Variants in PRKCZ observed in about 807,000 individuals in gnomAD.
The protein encoded by PRKCZ is protein kinase C zeta.
PRKCZ carries 33 observed loss-of-function variants against 79.5 expected under a neutral mutation model. The ratio of observed to expected loss-of-function variants is 0.41; its 90% CI spans 0.31 to 0.55. PRKCZ has a LOEUF of 0.55. PRKCZ is among the 20% of genes least tolerant of loss of function. The pLI is 0.19. For missense variants in PRKCZ, 578 were observed against 813.5 expected (o/e 0.71, Z 3.52); for synonymous variants, 342 against 320.9 (o/e 1.07, Z -0.70).
In PRKCZ at chr1:2,174,093, G is replaced by T; in HGVS notation, c.1405+77G>T. 2 of 1,477,164 alleles carry T rather than the reference G, an allele frequency of 1.4e-6. No individual in the cohort carries two copies. The highest frequency in any genetic ancestry group is 2.9e-5 in the African/African-American group (2 of 70,048). The allele number at this position is 1,477,164 out of a possible 1,614,324, so 91.5% of individuals were successfully genotyped here. A position where few individuals can be genotyped will look rare whatever the true frequency, so the allele number is the denominator to read the frequency against. On this transcript the variant is annotated intron_variant, in intron 14 of 17. Transcript: ENST00000378567. This position sits in a 1 kb window ranked among gnomAD's most constrained non-coding sequence, Gnocchi z 6.2. ...TCCTTTTCAAAGGTGCAGGTGGAGGGGTCCCGCGGGTGCCTGGAGCGGCAG... is the reference window on the plus strand; with the variant it reads ...TCCTTTTCAAAGGTGCAGGTGGAGGTGTCCCGCGGGTGCCTGGAGCGGCAG...
At position 2,156,080 on chromosome 1, in the gene PRKCZ, A is replaced by G; in HGVS notation, c.962A>G (p.Gln321Arg). 6.2e-7 allele frequency: 1 copy of G among 1,612,632 alleles called. No individual in the cohort carries two copies. The highest frequency in any genetic ancestry group is 1.1e-5 in the South Asian group (1 of 91,042). Residue 321 changes from glutamine (Q) to arginine (R), a missense_variant, in exon 10 of 18, where the codon CAG (glutamine) becomes CGG (arginine). Around this residue, in one of 4 missense-constraint regions of PRKCZ, gnomAD observed 243 missense variants for 467.0 expected, o/e 0.52. Transcript: ENST00000378567. Reference protein sequence around the residue: ...PFLVGLHSCFQTTSRLFLVIE... With the variant: ...PFLVGLHSCFRTTSRLFLVIE... Reference sequence around the variant, plus strand: ...CTGGTCGGATTACACTCCTGCTTCCAGACGACAAGTCGGTAAGAAAAAGAA... The same window carrying G: ...CTGGTCGGATTACACTCCTGCTTCCGGACGACAAGTCGGTAAGAAAAAGAA...
chr1:2,176,874 C>T (rs1454251818), intron 16 of PRKCZ, among the ~76,000 whole-genome samples: 1 of 152,246 alleles, frequency 6.6e-6, no homozygotes, highest in Non-Finnish European at 1.5e-5. Flanking sequence ...CTTCCAGAGC[C>T]CAGCTGGGCT....
chr1:2,093,454 G>T (rs1470296859), intron 4 of PRKCZ, among the ~76,000 whole-genome samples: 1 of 152,148 alleles, frequency 6.6e-6, no homozygotes, highest in Non-Finnish European at 1.5e-5. Context: ...CTGTGACTTG[G>T]CTCTGGCCTG....
chr1:2,089,153 G>A (rs902283368), intron 4 of PRKCZ, among the ~76,000 whole-genome samples: 12 of 152,152 alleles, frequency 7.9e-5, no homozygotes, highest in Admixed American at 5.2e-4. Flanking sequence ...TTCCTTAGCC[G>A]GGGTCAGCTC....
At chr1:2,183,028 G>C (rs1686928521) in intron 16 of PRKCZ, among the ~76,000 whole-genome samples, 1 of 152,108 alleles carries the variant, frequency 6.6e-6, no homozygotes, top group South Asian at 2.1e-4. Flanking sequence ...CAGTTCGGGA[G>C]CAGCCTGGTC....
In PRKCZ at chr1:2,094,572, C is replaced by T. The variant is rs1402534979; in HGVS notation, c.334+34981C>T. Among the ~76,000 whole-genome samples the T allele has an allele frequency of 1.8e-5, 2 of 108,846 alleles. No homozygotes were observed. Among genetic ancestry groups the T allele is most frequent in the Non-Finnish European group, 3.5e-5 (2 of 57,326 alleles). 71.4% of individuals were successfully genotyped at this position (108,846 alleles called of 152,430 possible). On this transcript the variant is annotated intron_variant, in intron 4 of 17. Coordinates refer to ENST00000378567, the MANE Select transcript of PRKCZ (RefSeq NM_002744.6). This position sits in a 1 kb window ranked among gnomAD's most constrained non-coding sequence, Gnocchi z 7.3. ...TGTGCCCGGCTCGATGAACCTTGGG[C>T]GCTGCCCGTTCTGAGGCGCCCGCTG...
chr1:2,146,166 C>G lies in PRKCZ; in HGVS notation c.634+58C>G, dbSNP rs900101965. 2.4e-4 allele frequency: 367 copies of G among 1,505,756 alleles called. 4 individuals are homozygous for G. Among genetic ancestry groups the G allele is most frequent in the South Asian group, 1.7e-3 (149 of 88,746 alleles). The allele number at this position is 1,505,756 out of a possible 1,614,324, so 93.3% of individuals were successfully genotyped here. A position where few individuals can be genotyped will look rare whatever the true frequency, so the allele number is the denominator to read the frequency against. On this transcript the variant is annotated intron_variant, in intron 7 of 17. Transcript: ENST00000378567. ...CTGGGCATCACCTCACCCTGCTCACCTCTGCCTTCTAGCCACGAGTCCTTT... is the reference window on the plus strand; with the variant it reads ...CTGGGCATCACCTCACCCTGCTCACGTCTGCCTTCTAGCCACGAGTCCTTT...
chr1:2,057,531 A>C (rs760838092), intron 3 of PRKCZ, among the ~76,000 whole-genome samples: 6 of 152,172 alleles, frequency 3.9e-5, no homozygotes, highest in Non-Finnish European at 5.9e-5. Flanking sequence ...CCTGGTTACA[A>C]CACTTAATTT....
intron 4 of PRKCZ, among the ~76,000 whole-genome samples, chr1:2,091,304 TGG>T (rs1028027719): frequency 1.3e-5 from 2 of 152,234 alleles, no homozygotes; most frequent in Non-Finnish European, 2.9e-5. Flanking sequence ...CCCAAAGTGC[TGG>T]GATTATAGAA....
chr1:2,164,556 A>G (rs1416533165), intron 10 of PRKCZ, among the ~76,000 whole-genome samples: 1 of 152,168 alleles, frequency 6.6e-6, no homozygotes, highest in East Asian at 1.9e-4. Context: ...GGAAACTGTC[A>G]GGGCGACAGC....
chr1:2,069,682 C>G (rs576488283), intron 4 of PRKCZ, among the ~76,000 whole-genome samples: 4 of 152,106 alleles, frequency 2.6e-5, no homozygotes, highest in African/African-American at 9.7e-5. Flanking sequence ...TGGCAGTAAG[C>G]GAGGGACCTC....
At position 2,070,075 on chromosome 1, in the gene PRKCZ, C is replaced by A. The variant is rs28635483; in HGVS notation, c.334+10484C>A. Among the ~76,000 whole-genome samples, 354 of 152,312 alleles carry A rather than the reference C, an allele frequency of 2.3e-3. 2 individuals carry two copies. The highest frequency in any genetic ancestry group is 7.2e-3 in the African/African-American group (299 of 41,570). On this transcript the variant is annotated intron_variant, in intron 4 of 17. Coordinates refer to ENST00000378567, the MANE Select transcript of PRKCZ (RefSeq NM_002744.6). ...GTCCTTAGAGTCCATGGAGGAAATACAAAGTCCGCTGGGCTGGGCAGCCGC... is the reference window on the plus strand; with the variant it reads ...GTCCTTAGAGTCCATGGAGGAAATAAAAAGTCCGCTGGGCTGGGCAGCCGC...
intron 5 of PRKCZ, among the ~76,000 whole-genome samples, chr1:2,140,807 A>G (rs1677161515): frequency 6.6e-6 from 1 of 152,062 alleles, no homozygotes; most frequent in South Asian, 2.1e-4. Context: ...TGTCTCTACT[A>G]AAAATAAAAA....
rs190650534 is a variant in PRKCZ, at chr1:2,105,622, A to G, written c.335-29640A>G. Among the ~76,000 whole-genome samples, 69 of 151,808 alleles carry G rather than the reference A, an allele frequency of 4.5e-4. 1 individual carries two copies. The highest frequency in any genetic ancestry group is 1.4e-3 in the East Asian group (7 of 5,154). On this transcript the variant is annotated intron_variant, in intron 4 of 17. Coordinates refer to ENST00000378567, the MANE Select transcript of PRKCZ (RefSeq NM_002744.6). Reference sequence around the variant, plus strand: ...ACCATGTTGGCCAGGCCGGTCTCAAACTCCTGACCTCAAGTGGTCCACCCA... The same window carrying G: ...ACCATGTTGGCCAGGCCGGTCTCAAGCTCCTGACCTCAAGTGGTCCACCCA...
At position 2,173,347 on chromosome 1, in the gene PRKCZ, C is replaced by T. The variant is rs948098594; in HGVS notation, c.1286-550C>T. The stretch of plus-strand genomic sequence containing the variant: ...GGGATGGGGATTCCGTGTGGGACAG[C>T]GGCAGCGTCTCACCTCAGCAGGGAC... On this transcript the variant is annotated intron_variant, in intron 13 of 17. Coordinates refer to ENST00000378567, the MANE Select transcript of PRKCZ (RefSeq NM_002744.6). This position sits in a 1 kb window ranked among gnomAD's most constrained non-coding sequence, Gnocchi z 5.7. Among the ~76,000 whole-genome samples, 2 of 152,114 alleles carry T rather than the reference C, an allele frequency of 1.3e-5. No individual in the cohort carries two copies. The highest frequency in any genetic ancestry group is 2.9e-5 in the Non-Finnish European group (2 of 68,018).
In PRKCZ at chr1:2,149,534, C is replaced by T. The variant is rs1160762412; in HGVS notation, c.687+610C>T. Among the ~76,000 whole-genome samples the T allele has an allele frequency of 6.6e-6, 1 of 152,192 alleles. No individual in the cohort carries two copies. The highest frequency in any genetic ancestry group is 6.5e-5 in the Admixed American group (1 of 15,280). The stretch of plus-strand genomic sequence containing the variant: ...ACAACTCGTGCTCCTTCCTGGCCAT[C>T]CTGTGTCTGGAGGGAGGCCGGGGCA... On this transcript the variant is annotated intron_variant, in intron 8 of 17. Coordinates refer to ENST00000378567, the MANE Select transcript of PRKCZ (RefSeq NM_002744.6). The surrounding 1 kb of genome is among the most constrained non-coding windows in gnomAD (Gnocchi z 4.1).
intron 4 of PRKCZ, among the ~76,000 whole-genome samples, chr1:2,124,349 A>AGGGT (rs1673405355): frequency 8.5e-6 from 1 of 117,634 alleles, no homozygotes; most frequent in African/African-American, 3.2e-5. Context: ...GGTTAGGGTC[A>AGGGT]CGGCGGTGGT....
intron 16 of PRKCZ, among the ~76,000 whole-genome samples, chr1:2,183,350 C>T (rs950194490): frequency 5.9e-5 from 9 of 151,508 alleles, no homozygotes; most frequent in African/African-American, 1.2e-4. Flanking sequence ...GCCGAGATCG[C>T]GCCACTGCAC....
chr1:2,184,336 T>C (rs906906274), intron 16 of PRKCZ: 8 of 434,536 alleles, frequency 1.8e-5, no homozygotes, highest in Non-Finnish European at 3.4e-5. Context: ...CTGGGGATCC[T>C]GCTCCGTCCC....
Sources: gnomAD v4.1 joint callset for allele counts (sites outside exome capture counted in the v4.1 genomes callset) on GRCh38, gnomAD v4.1.1 for gene constraint, gnomAD v4.1.1 regional missense constraint, Gnocchi (gnomAD v3.1) non-coding constraint, MANE v1.5 for transcripts, NCBI Gene and HGNC (gene_info 2026-07-23, HGNC 2026-07-21) for gene names.